Variants in MYSM1 observed in about 807,000 individuals in gnomAD.
The protein encoded by MYSM1 is Myb like, SWIRM and MPN domains 1.
Under a neutral mutation model 116.0 loss-of-function variants are expected in MYSM1, and 51 were observed. The ratio of observed to expected loss-of-function variants is 0.44; its 90% confidence interval spans 0.35 to 0.56. The LOEUF (loss-of-function observed/expected upper bound fraction) is 0.56. MYSM1 is among the 20% of genes least tolerant of loss of function. The pLI is 0.00. For synonymous variants in MYSM1, 313 were observed against 315.2 expected, an observed-to-expected ratio of 0.99 and a Z score of 0.07; for missense variants, 900 against 974.9, an observed-to-expected ratio of 0.92 and a Z score of 1.02.
intron 12 of MYSM1, among the ~76,000 whole-genome samples, chr1:58,670,780 T>C (rs757790044): frequency 6.6e-6 from 1 of 152,088 alleles, no homozygotes; most frequent in Non-Finnish European, 1.5e-5. Flanking sequence ...TTGCAATCAG[T>C]GAGTAATGGC....
chr1:58,685,074 G>T (rs1278536182), intron 7 of MYSM1, 79 bp downstream of exon 7: 1 of 1,163,320 alleles, frequency 8.6e-7, no homozygotes, highest in African/African-American at 1.6e-5. Flanking sequence ...AGACTTTAAT[G>T]CCTGAATTAA....
At chr1:58,685,323 AT>A (rs1644812101) in intron 6 of MYSM1, 72 bp from the exon 7 acceptor site, 4 of 857,134 alleles carry the variant, frequency 4.7e-6, no homozygotes, top group South Asian at 1.9e-5. Flanking sequence ...CCACTACCAC[AT>A]TAAAAAAAAA....
intron 3 of MYSM1, among the ~76,000 whole-genome samples, chr1:58,692,061 A>G (rs1569801034): frequency 6.6e-6 from 1 of 152,298 alleles, no homozygotes; most frequent in South Asian, 2.1e-4. Context: ...ATTATATGTG[A>G]CTTTCTCTGA....
intron 8 of MYSM1, among the ~76,000 whole-genome samples, 162 bp downstream of exon 8, chr1:58,681,623 A>T (rs1266641801): frequency 6.6e-6 from 1 of 152,186 alleles, no homozygotes; most frequent in African/African-American, 2.4e-5. Context: ...TATAGGTGAT[A>T]ATGTTTACCA....
chr1:58,682,066 A>T lies in MYSM1; in HGVS notation c.978T>A (p.His326Gln), dbSNP rs2100649417. ...CATCAACTATTATTCCCCTTCCATC[A>T]TGCTTGTTGCAGTTTTTAATCAATT... is the stretch of plus-strand genomic sequence containing the variant. ...FNELIKNCNK[H>Q]DGRGIIVDAR... Residue 326 changes from histidine to glutamine, a missense_variant, in exon 8 of 20, where the codon CAT becomes CAA. His to Gln is a conservative substitution (Grantham distance 24). Around this residue, in one of 3 missense-constraint regions of MYSM1, gnomAD observed 622 missense variants for 623.7 expected, o/e 1.00. Coordinates refer to ENST00000472487, the MANE Select transcript of MYSM1 (RefSeq NM_001085487.3). 6.2e-7 allele frequency: 1 copy of T among 1,614,114 alleles called. No homozygotes were observed. The highest frequency in any genetic ancestry group is 1.3e-5 in the African/African-American group (1 of 75,046).
At position 58,675,568 on chromosome 1, in the gene MYSM1, T is replaced by C. The variant is rs746725651; in HGVS notation, c.1403A>G (p.Tyr468Cys). 1.2e-6 allele frequency: 2 copies of C among 1,613,028 alleles called. No individual in the cohort carries two copies. The highest frequency in any genetic ancestry group is 1.3e-5 in the African/African-American group (1 of 74,942). ...AINFGCEQAV[Y>C]NRPQTVDKVR... Reference sequence around the variant, plus strand: ...TTTGTCAACTGTTTGTGGCCTATTATACACAGCCTGTTCTATTGGAATTCA... The same window carrying C: ...TTTGTCAACTGTTTGTGGCCTATTACACACAGCCTGTTCTATTGGAATTCA... The change falls in exon 10 of 20, where the codon TAT (tyrosine) becomes TGT (cysteine). Residue 468 changes from tyrosine (Y) to cysteine (C), a missense_variant. Around this residue, in one of 3 missense-constraint regions of MYSM1, gnomAD observed 622 missense variants for 623.7 expected, o/e 1.00. Coordinates refer to ENST00000472487, the MANE Select transcript of MYSM1 (RefSeq NM_001085487.3).
At chr1:58,681,408 A>G (rs936973622) in intron 8 of MYSM1, among the ~76,000 whole-genome samples, 3 of 152,212 alleles carry the variant, frequency 2.0e-5, no homozygotes, top group African/African-American at 7.2e-5. Context: ...CACATTTAAT[A>G]CTACTGCTGT....
At chr1:58,688,928 C>T in intron 6 of MYSM1, 110 bp downstream of exon 6, 3 of 924,364 alleles carry the variant, frequency 3.2e-6, no homozygotes, top group East Asian at 2.7e-5. Context: ...GGTGTTAAAA[C>T]TGTAATTAAA....
intron 1 of MYSM1, among the ~76,000 whole-genome samples, chr1:58,695,546 A>G (rs1469099864): frequency 6.6e-6 from 1 of 152,204 alleles, no homozygotes; most frequent in Non-Finnish European, 1.5e-5. Context: ...ATGCAGTTTC[A>G]GCTGATTAGT....
At chr1:58,695,005 A>C (rs1569809029) in intron 2 of MYSM1, 124 bp downstream of exon 2, 1 of 469,082 alleles carries the variant, frequency 2.1e-6, no homozygotes, top group East Asian at 3.5e-5. Flanking sequence ...AAATTTCTAA[A>C]AAAGAAAAAT....
chr1:58,664,599 G>A (rs1411095363), intron 17 of MYSM1, among the ~76,000 whole-genome samples: 2 of 152,156 alleles, frequency 1.3e-5, no homozygotes, highest in Non-Finnish European at 2.9e-5. Context: ...GGGCAGTGCT[G>A]GTAAATCTAC....
chr1:58,683,600 G>T (rs1424079007), intron 7 of MYSM1, among the ~76,000 whole-genome samples: 1 of 152,072 alleles, frequency 6.6e-6, no homozygotes, highest in Admixed American at 6.6e-5. Context: ...AATATAACAT[G>T]AAATAAAATC....
chr1:58,669,857 A>AAACAAAAAC (rs1553135839), intron 12 of MYSM1, among the ~76,000 whole-genome samples: 1 of 86,060 alleles, frequency 1.2e-5, no homozygotes, highest in African/African-American at 4.3e-5. Flanking sequence ...AAAAAAAAAA[A>AAACAAAAAC]AAAAACAAAA....
In MYSM1 at chr1:58,655,349, AATACCTTC is replaced by A. The variant is rs1644305695; in HGVS notation, c.*4640_*4647del. On this transcript the variant is annotated 3_prime_UTR_variant, in exon 20 of 20. Transcript: ENST00000472487. The stretch of plus-strand genomic sequence containing the variant: ...TTCCCCTGAAATTAAAGTTCTTATG[AATACCTTC>A]ATAAACACCAAAGGAAGAAAATAAA... 4.6e-5 allele frequency: 7 copies of A among 152,184 alleles called. No individual in the cohort carries two copies. Among genetic ancestry groups the A allele is most frequent in the Non-Finnish European group, 8.8e-5 (6 of 68,020 alleles). The allele number at this position is 152,184 out of a possible 1,614,324, so 9.4% of individuals were successfully genotyped here.
intron 12 of MYSM1, among the ~76,000 whole-genome samples, chr1:58,670,087 T>A (rs113267291): frequency 7.8e-4 from 118 of 152,090 alleles, no homozygotes; most frequent in Non-Finnish European, 1.6e-3. Flanking sequence ...CATTCAACCA[T>A]AGATGGTTAG....
intron 8 of MYSM1, among the ~76,000 whole-genome samples, chr1:58,681,239 T>G (rs1644737779): frequency 6.6e-6 from 1 of 152,190 alleles, no homozygotes; most frequent in South Asian, 2.1e-4. Context: ...CATTAAATAA[T>G]TCAAATAAAC....
chr1:58,664,301 A>G (rs232785), intron 17 of MYSM1, among the ~76,000 whole-genome samples: 40,562 of 152,060 alleles, frequency 0.27, 6,196 homozygotes, highest in African/African-American at 0.41. Context: ...AAAGAATAAT[A>G]TGTATTATGT....
In MYSM1 at chr1:58,685,171, T is replaced by C; in HGVS notation, c.480A>G (p.Arg160=). 6.2e-7 allele frequency: 1 copy of C among 1,600,210 alleles called. No homozygotes were observed. Among genetic ancestry groups the C allele is most frequent in the Admixed American group, 1.8e-5 (1 of 56,158 alleles). The change falls in exon 7 of 20, where the codon AGA becomes AGG. Residue 160 remains arginine, a synonymous_variant. Transcript: ENST00000472487. ...TGCTTACCTTATTTTTAAAATACTG[T>C]CTTGCATAACTCTTCACTTGTAAAA... ...RTVLQVKSYA[R]QYFKNKVKCG... is the part of the protein sequence containing the mutation.
chr1:58,664,916 T>C (rs1644445489), intron 17 of MYSM1, among the ~76,000 whole-genome samples: 2 of 152,334 alleles, frequency 1.3e-5, no homozygotes, highest in South Asian at 4.1e-4. Flanking sequence ...CCACACTCCC[T>C]TCCTTTTCCT....
Sources: allele counts gnomAD v4.1 joint callset (sites outside exome capture counted in the v4.1 genomes callset), GRCh38; gene constraint gnomAD v4.1.1; regional missense constraint gnomAD v4.1.1; transcripts MANE v1.5; gene names NCBI Gene and HGNC (gene_info 2026-07-23, HGNC 2026-07-21).